The following FAS variants were observed in gnomAD, a reference collection of about 807,000 sequenced individuals.
The protein encoded by FAS is tumor necrosis factor receptor superfamily member 6.
A neutral mutation model predicts 33.2 loss-of-function variants in FAS; 5 were observed. The ratio of observed to expected loss-of-function variants is 0.15; its 90% CI spans 0.08 to 0.32. The LOEUF is 0.32. Among genes scored for constraint, FAS ranks in the 10% least tolerant of loss-of-function variants. The probability of loss-of-function intolerance (pLI) is 1.00; values close to 1 mark genes in which losing one functional copy is unlikely to be tolerated. For missense variants in FAS, 339 were observed against 386.0 expected (o/e 0.88, Z 1.02); for synonymous variants, 131 against 130.7 (o/e 1.00, Z -0.01).
chr10:88,985,373 C>T (rs10887876), upstream of FAS, among the ~76,000 whole-genome samples: 22,679 of 152,176 alleles, frequency 0.15, 2,031 homozygotes, highest in East Asian at 0.42. Context: ...AAAACTCTTT[C>T]TCCCCATTGT....
In FAS at chr10:89,014,617, T is replaced by C; in HGVS notation, c.*167T>C. On this transcript the variant is annotated 3_prime_UTR_variant, in exon 9 of 9. Transcript: ENST00000652046. ...ATTTTTAATATCTCATGATTCTGCC[T>C]CCAAGGATGTTTAAAATCTAGTTGG... is the stretch of plus-strand genomic sequence containing the variant. 1.3e-6 allele frequency: 1 copy of C among 782,330 alleles called. No individual in the cohort carries two copies. Among genetic ancestry groups the C allele is most frequent in the East Asian group, 2.7e-5 (1 of 37,480 alleles). 48.5% of individuals were successfully genotyped at this position (782,330 alleles called of 1,614,324 possible). A position where few individuals can be genotyped will look rare whatever the true frequency, so the allele number is the denominator to read the frequency against.
At chr10:88,975,285 A>C (rs1846535770) in intron 2 of FAS, 1 of 152,236 alleles carries the variant, frequency 6.6e-6, no homozygotes, top group Non-Finnish European at 1.5e-5. Context: ...GAAGGAGATA[A>C]ATCAGAGGCG....
chr10:89,003,065 G>T lies in FAS; in HGVS notation c.67G>T (p.Val23Phe). The change falls in exon 2 of 9, where the codon GTT becomes TTT. Residue 23 changes from valine to phenylalanine, a missense_variant. Transcript: ENST00000652046. ...TSVARLSSKS[V>F]NAQVTDINSK... The stretch of plus-strand genomic sequence containing the variant: ...TGTTGCTAGATTATCGTCCAAAAGT[G>T]TTAATGCCCAAGTGACTGACATCAA... 1 of 1,614,128 alleles carries T rather than the reference G, an allele frequency of 6.2e-7. No individual in the cohort carries two copies. The highest frequency in any genetic ancestry group is 8.5e-7 in the Non-Finnish European group (1 of 1,179,996).
chr10:88,975,151 AT>A (rs1846533512), intron 2 of FAS: 2 of 116,496 alleles, frequency 1.7e-5, no homozygotes, highest in African/African-American at 6.0e-5. Context: ...GCTGTCAACG[AT>A]TAAAAAAAAA....
At position 89,014,575 on chromosome 10, in the gene FAS, A is replaced by G; in HGVS notation, c.*125A>G. ...ATTTTATCATTTATTAGCGCTGAAG[A>G]GCCAACATATTTGTAGATTTTTAAT... On this transcript the variant is annotated 3_prime_UTR_variant, in exon 9 of 9. Coordinates refer to ENST00000652046, the MANE Select transcript of FAS (RefSeq NM_000043.6). The G allele has an allele frequency of 2.2e-6, 2 of 900,090 alleles. No homozygotes were observed. The highest frequency in any genetic ancestry group is 3.5e-6 in the Non-Finnish European group (2 of 567,838). The allele number at this position is 900,090 out of a possible 1,614,324, so 55.8% of individuals were successfully genotyped here.
At chr10:88,984,576 T>C (rs965193826), upstream of FAS, among the ~76,000 whole-genome samples, 20 of 152,262 alleles carry the variant, frequency 1.3e-4, 1 homozygote, top group African/African-American at 4.8e-4. Context: ...TGCAAACTGG[T>C]TCAATATTGT....
rs1408138420 is a variant in FAS, at chr10:88,990,973, G to C, written c.30+67G>C. 33 of 1,608,868 alleles carry C rather than the reference G, an allele frequency of 2.1e-5. No homozygotes were observed. Among genetic ancestry groups the C allele is most frequent in the Non-Finnish European group, 2.7e-5 (32 of 1,175,758 alleles). ...GTCCCGGGGATAGGCAAAGTGGGGC[G>C]GGCGCGGGACGCGTGCGGGATTGCG... On this transcript the variant is annotated intron_variant, in intron 1 of 8. Coordinates refer to ENST00000652046, the MANE Select transcript of FAS (RefSeq NM_000043.6). This position sits in a 1 kb window ranked among gnomAD's most constrained non-coding sequence, Gnocchi z 4.9.
At chr10:88,992,405 G>A (rs1299602829) in intron 1 of FAS, 3 of 152,122 alleles carry the variant, frequency 2.0e-5, no homozygotes, top group Non-Finnish European at 4.4e-5. Flanking sequence ...ATAGTTTTTG[G>A]ACAGCAGTAT....
chr10:89,004,589 A>G (rs551223033), intron 2 of FAS, among the ~76,000 whole-genome samples: 3 of 151,640 alleles, frequency 2.0e-5, no homozygotes, highest in Non-Finnish European at 4.4e-5. Flanking sequence ...AAAATAATCA[A>G]AAATAAAGGA....
intron 2 of FAS, chr10:88,974,992 A>T (rs1216308607): frequency 6.6e-6 from 1 of 152,200 alleles, no homozygotes; most frequent in Non-Finnish European, 1.5e-5. Context: ...GAGGAAAATA[A>T]TAAGTTTATT....
chr10:88,998,423 A>T (rs1237505843), intron 1 of FAS, among the ~76,000 whole-genome samples: 1 of 152,114 alleles, frequency 6.6e-6, no homozygotes, highest in Admixed American at 6.5e-5. Flanking sequence ...CCGGCCTTCC[A>T]AATACAAGAG....
chr10:89,010,876 T>G, intron 6 of FAS, 61 bp downstream of exon 6: 1 of 1,589,140 alleles, frequency 6.3e-7, no homozygotes, highest in Non-Finnish European at 8.6e-7. Context: ...TTCACAAAGA[T>G]TTGCCTCATT....
At chr10:88,978,579 T>C (rs1213688051) in intron 2 of FAS, among the ~76,000 whole-genome samples, 1 of 152,138 alleles carries the variant, frequency 6.6e-6, no homozygotes, top group Non-Finnish European at 1.5e-5. Context: ...TTCTGTTCTA[T>C]TGAAAGCCAA....
chr10:88,969,521 A>G (rs1846385072), intron 1 of FAS, among the ~76,000 whole-genome samples: 1 of 152,016 alleles, frequency 6.6e-6, no homozygotes, highest in Non-Finnish European at 1.5e-5. Context: ...TGTCATGATC[A>G]TTTTTCAAAC....
chr10:88,981,331 A>G (rs559232751), intron 2 of FAS, among the ~76,000 whole-genome samples: 38 of 152,242 alleles, frequency 2.5e-4, no homozygotes, highest in Admixed American at 1.0e-3. Flanking sequence ...GTGCAGTTAA[A>G]CCCTTGATAA....
At chr10:89,001,942 A>C (rs1022497275) in intron 1 of FAS, among the ~76,000 whole-genome samples, 1 of 152,206 alleles carries the variant, frequency 6.6e-6, no homozygotes, top group African/African-American at 2.4e-5. Flanking sequence ...GGGGAACACA[A>C]ACTCAGCTTC....
intron 7 of FAS, chr10:89,012,406 G>C (rs1375581564): frequency 1.3e-5 from 4 of 304,350 alleles, no homozygotes; most frequent in Non-Finnish European, 2.5e-5. Flanking sequence ...TCAAACTTTT[G>C]ACCTCAAGCA....
intron 1 of FAS, chr10:88,991,278 G>C (rs1196646052): frequency 2.3e-6 from 1 of 428,096 alleles, no homozygotes; most frequent in Non-Finnish European, 4.4e-6. Context: ...GCTGGAGGGG[G>C]ACCCCGGTTG....
At chr10:88,977,445 C>G (rs895172970) in intron 2 of FAS, among the ~76,000 whole-genome samples, 1 of 151,782 alleles carries the variant, frequency 6.6e-6, no homozygotes, top group Non-Finnish European at 1.5e-5. Flanking sequence ...GCTTGTTTTT[C>G]TCAGGTTTGT....
Sources: allele counts gnomAD v4.1 joint callset (sites outside exome capture counted in the v4.1 genomes callset), GRCh38; gene constraint gnomAD v4.1.1; non-coding constraint Gnocchi (gnomAD v3.1); transcripts MANE v1.5; gene names NCBI Gene and HGNC (gene_info 2026-07-23, HGNC 2026-07-21).